ABCC9: variants seen among roughly 807,000 people sequenced by gnomAD.
ABCC9 encodes the protein ATP binding cassette subfamily C member 9.
ABCC9 carries 95 observed loss-of-function variants against 188.3 expected under a neutral mutation model. The observed-to-expected ratio is 0.50, with a 90% CI of 0.43 to 0.60. The LOEUF is 0.60. Among genes scored for constraint, ABCC9 ranks in the 20% least tolerant of loss-of-function variants. The pLI, the probability that ABCC9 is intolerant of heterozygous loss-of-function variation, is 0.00. For missense variants in ABCC9, 1,102 were observed against 1,876.3 expected (o/e 0.59, Z 7.62); for synonymous variants, 659 against 652.7 (o/e 1.01, Z -0.15).
At chr12:21,830,693 T>C (rs900681894) in intron 30 of ABCC9, among the ~76,000 whole-genome samples, 10 of 152,164 alleles carry the variant, frequency 6.6e-5, no homozygotes, top group African/African-American at 2.2e-4. Context: ...GATAGATAAT[T>C]CAGTCGGACA....
intron 19 of ABCC9, 32 bp from the exon 20 acceptor site, chr12:21,863,086 A>G (rs775900201): frequency 5.8e-5 from 81 of 1,400,162 alleles, no homozygotes; most frequent in Non-Finnish European, 8.2e-5. Flanking sequence ...AAAAAACACC[A>G]GGATTATGCA....
rs1944197129 is a variant in ABCC9 at position 21,838,134 on chromosome 12, A to G, written c.3510T>C (p.Pro1170=). The part of the protein sequence containing the change: ...LQELDDSTQL[P]LLCHFSETAE... ...CTGTTTCTGAGAAGTGACAGAGCAG[A>G]GGGAGCTGGGTACTATCGTCAAGTT... Residue 1170 remains proline, a synonymous_variant, in exon 30 of 40, where the codon CCT becomes CCC. Transcript: ENST00000261200. 6.2e-7 allele frequency: 1 copy of G among 1,614,184 alleles called. No homozygotes were observed.
chr12:21,899,667 C>T (rs961842107), intron 12 of ABCC9, among the ~76,000 whole-genome samples: 3 of 152,180 alleles, frequency 2.0e-5, no homozygotes, highest in Non-Finnish European at 4.4e-5. Context: ...CATCATATCC[C>T]ACGCCTGGCT....
At chr12:21,846,511 C>T (rs1944679030) in intron 25 of ABCC9, among the ~76,000 whole-genome samples, 2 of 152,284 alleles carry the variant, frequency 1.3e-5, no homozygotes, top group South Asian at 4.1e-4. Context: ...TAAAGTTACC[C>T]TGTATGTACT....
intron 5 of ABCC9, chr12:21,923,788 A>G: frequency 2.9e-6 from 2 of 698,006 alleles, no homozygotes; most frequent in Non-Finnish European, 5.2e-6. Context: ...CCTAGGAGAA[A>G]TAAATGCATA....
At position 21,915,288 on chromosome 12, in the gene ABCC9, A is replaced by ATG. The variant is rs774043206; in HGVS notation, c.816+379_816+380insCA. Among the ~76,000 whole-genome samples, 171 of 59,890 alleles carry ATG rather than the reference A, an allele frequency of 2.9e-3. 2 individuals are homozygous for ATG. The highest frequency in any genetic ancestry group is 5.0e-3 in the African/African-American group (96 of 19,344). 39.3% of individuals were successfully genotyped at this position (59,890 alleles called of 152,430 possible). On this transcript the variant is annotated intron_variant, in intron 7 of 39. Transcript: ENST00000261200. The stretch of plus-strand genomic sequence containing the variant: ...ATATAATGTGTATATATATGTGTGT[A>ATG]TATATACATGTGTATATATATATAA...
chr12:21,878,849 C>T (rs1410167185), intron 16 of ABCC9, among the ~76,000 whole-genome samples: 1 of 152,116 alleles, frequency 6.6e-6, no homozygotes, highest in East Asian at 1.9e-4. Context: ...TCTCCTGCTG[C>T]CATTTACACT....
chr12:21,895,610 A>G (rs1195451969), intron 12 of ABCC9, among the ~76,000 whole-genome samples: 2 of 152,240 alleles, frequency 1.3e-5, no homozygotes, highest in Non-Finnish European at 2.9e-5. Context: ...GATAAAAATT[A>G]TTAGAATTTA....
intron 13 of ABCC9, among the ~76,000 whole-genome samples, chr12:21,895,037 G>A (rs1592169311): frequency 6.6e-6 from 1 of 152,082 alleles, no homozygotes; most frequent in African/African-American, 2.4e-5. Flanking sequence ...TAGAAGCCAG[G>A]GATGCTGCCA....
At chr12:21,925,544 A>G (rs1313820357) in intron 5 of ABCC9, 2 of 702,308 alleles carry the variant, frequency 2.8e-6, no homozygotes, top group East Asian at 2.7e-5. Flanking sequence ...CAAGCCAGAG[A>G]CAGAAACACC....
chr12:21,838,316 TC>T, intron 29 of ABCC9, 146 bp from the exon 30 acceptor site: 1 of 694,274 alleles, frequency 1.4e-6, no homozygotes, highest in Non-Finnish European at 2.6e-6. Flanking sequence ...AACAAAAACT[TC>T]AACAGCTTAC....
intron 29 of ABCC9, among the ~76,000 whole-genome samples, chr12:21,839,538 A>C (rs1244409452): frequency 6.6e-6 from 1 of 152,220 alleles, no homozygotes. Context: ...CATTTTGATA[A>C]AGATATATTC....
rs180997707 is a variant in ABCC9 at position 21,913,367 on chromosome 12, C to G, written c.817-301G>C. Among the ~76,000 whole-genome samples, 8 of 152,180 alleles carry G rather than the reference C, an allele frequency of 5.3e-5. No homozygotes were observed. In the South Asian group the frequency reaches 6.2e-4, roughly 12 times the overall value. On this transcript the variant is annotated intron_variant, in intron 7 of 39. Transcript: ENST00000261200. ...AAGGATGACACAGGATTCTTAAAGC[C>G]TAATTCATTTTCAGTTTTCTTTGAT...
intron 31 of ABCC9, among the ~76,000 whole-genome samples, chr12:21,825,750 A>G (rs1943341103): frequency 6.6e-6 from 1 of 152,152 alleles, no homozygotes; most frequent in Non-Finnish European, 1.5e-5. Context: ...TATGTTACAA[A>G]CATGCATGTT....
chr12:21,926,968 G>A (rs1464971372), intron 4 of ABCC9, among the ~76,000 whole-genome samples: 1 of 152,170 alleles, frequency 6.6e-6, no homozygotes, highest in African/African-American at 2.4e-5. Flanking sequence ...TACATAAATG[G>A]TATAGAGAAG....
intron 16 of ABCC9, among the ~76,000 whole-genome samples, chr12:21,877,455 T>C (rs1234180769): frequency 6.6e-6 from 1 of 152,128 alleles, no homozygotes; most frequent in Admixed American, 6.6e-5. Flanking sequence ...AAATGATGAA[T>C]AGAGCTAGCT....
intron 31 of ABCC9, chr12:21,828,373 C>G (rs1440072002): frequency 6.1e-6 from 1 of 163,148 alleles, no homozygotes; most frequent in Non-Finnish European, 1.3e-5. Context: ...ATTTATGTTA[C>G]TTTTAATCCA....
chr12:21,912,816 A>C (rs940744369), intron 8 of ABCC9, 56 bp downstream of exon 8: 1 of 1,568,040 alleles, frequency 6.4e-7, no homozygotes, highest in Non-Finnish European at 8.8e-7. Context: ...AAAAAGTGAC[A>C]ATTACAATGA....
intron 22 of ABCC9, among the ~76,000 whole-genome samples, chr12:21,857,190 T>C (rs1565745775): frequency 6.6e-6 from 1 of 152,320 alleles, no homozygotes; most frequent in South Asian, 2.1e-4. Flanking sequence ...AGCTGAGCAG[T>C]GTGCATCTAG....
Sources: gnomAD v4.1 joint callset for allele counts (sites outside exome capture counted in the v4.1 genomes callset) on GRCh38, gnomAD v4.1.1 for gene constraint, MANE v1.5 for transcripts, NCBI Gene and HGNC (gene_info 2026-07-23, HGNC 2026-07-21) for gene names.